Variants in SCAPER observed in about 807,000 individuals in gnomAD.
SCAPER encodes the protein S-phase cyclin A associated protein in the ER.
In SCAPER, 98 loss-of-function variants were observed where a neutral mutation model predicts 182.2. The observed-to-expected ratio is 0.54, with a 90% CI of 0.46 to 0.64. The LOEUF (loss-of-function observed/expected upper bound fraction) is 0.64. Ranked by LOEUF, SCAPER falls within the 30% of genes least tolerant of loss-of-function variation. The pLI is 0.00. For synonymous variants in SCAPER, 605 were observed against 564.6 expected, an observed-to-expected ratio of 1.07 and a Z score of -1.01; for missense variants, 1,432 against 1,690.0, an observed-to-expected ratio of 0.85 and a Z score of 2.68.
intron 5 of SCAPER, among the ~76,000 whole-genome samples, chr15:76,834,175 A>C (rs1269239377): frequency 6.6e-6 from 1 of 152,196 alleles, no homozygotes; most frequent in Non-Finnish European, 1.5e-5. Context: ...TGCAATAAAA[A>C]CAGAAATCTA....
In SCAPER at chr15:76,730,652, C is replaced by T. The variant is rs112096612; in HGVS notation, c.2023-1915G>A. The stretch of plus-strand genomic sequence containing the variant: ...AAATTCCATATTATATCTGAAAACA[C>T]ATGTTTCACAACAAAATACAAAGAG... On this transcript the variant is annotated intron_variant, in intron 16 of 31. Transcript: ENST00000563290. Among the ~76,000 whole-genome samples, 371 of 151,886 alleles carry T rather than the reference C, an allele frequency of 2.4e-3. 1 individual carries two copies. The highest frequency in any genetic ancestry group is 0.015 in the South Asian group (73 of 4,806).
intron 23 of SCAPER, among the ~76,000 whole-genome samples, chr15:76,533,667 A>G (rs1478318884): frequency 6.6e-6 from 1 of 151,964 alleles, no homozygotes; most frequent in African/African-American, 2.4e-5. Flanking sequence ...GCAATGTTAA[A>G]ATTATTACAC....
intron 23 of SCAPER, among the ~76,000 whole-genome samples, chr15:76,538,318 A>C (rs2044380737): frequency 6.7e-6 from 1 of 149,494 alleles, no homozygotes; most frequent in Non-Finnish European, 1.5e-5. Context: ...AACCAACCCA[A>C]ATGTCCAACA....
chr15:76,763,118 C>T (rs560212591), intron 14 of SCAPER, among the ~76,000 whole-genome samples: 1 of 152,300 alleles, frequency 6.6e-6, no homozygotes, highest in South Asian at 2.1e-4. Context: ...ATTTAAAGAA[C>T]TCCATTAGCA....
chr15:76,353,930 C>G lies in SCAPER; in HGVS notation c.4047+19G>C. ...GTTTACACACAAAGCTAGACAATTACGTATAATGTAGAAGGTACCTGAATG... is the reference window on the plus strand; with the variant it reads ...GTTTACACACAAAGCTAGACAATTAGGTATAATGTAGAAGGTACCTGAATG... On this transcript the variant is annotated intron_variant, in intron 30 of 31. Transcript: ENST00000563290. 6.6e-7 allele frequency: 1 copy of G among 1,510,190 alleles called. No homozygotes were observed. Among genetic ancestry groups the G allele is most frequent in the Non-Finnish European group, 8.8e-7 (1 of 1,134,524 alleles). The allele number at this position is 1,510,190 out of a possible 1,614,324, so 93.5% of individuals were successfully genotyped here.
At chr15:76,740,456 G>T (rs2151106214) in intron 15 of SCAPER, among the ~76,000 whole-genome samples, 1 of 152,194 alleles carries the variant, frequency 6.6e-6, no homozygotes, top group Non-Finnish European at 1.5e-5. Flanking sequence ...CATTAAGAAA[G>T]AACAATAATT....
At chr15:76,368,282 A>T (rs116051964) in intron 29 of SCAPER, among the ~76,000 whole-genome samples, 1,626 of 152,332 alleles carry the variant, frequency 0.011, 39 homozygotes, top group African/African-American at 0.037. Flanking sequence ...TTTGAGCAGG[A>T]ATTAAGCCAA....
At chr15:76,562,918 A>G (rs757459070) in intron 23 of SCAPER, among the ~76,000 whole-genome samples, 1 of 152,218 alleles carries the variant, frequency 6.6e-6, no homozygotes, top group Non-Finnish European at 1.5e-5. Context: ...ATAAAACTGT[A>G]TAACATAAAT....
intron 2 of SCAPER, among the ~76,000 whole-genome samples, chr15:76,881,875 C>A (rs1490908781): frequency 6.6e-6 from 1 of 152,100 alleles, no homozygotes; most frequent in East Asian, 1.9e-4. Context: ...TGGTAAATGT[C>A]ATGTTATTTG....
intron 27 of SCAPER, among the ~76,000 whole-genome samples, chr15:76,395,948 TG>T (rs1416873440): frequency 1.3e-5 from 2 of 152,164 alleles, no homozygotes; most frequent in African/African-American, 4.8e-5. Flanking sequence ...GTTTCCCCAA[TG>T]TTTTCTTGTA....
At chr15:76,766,100 T>TATTC (rs2063097863) in intron 11 of SCAPER, among the ~76,000 whole-genome samples, 1 of 151,762 alleles carries the variant, frequency 6.6e-6, no homozygotes, top group Admixed American at 6.6e-5. Context: ...TTTATTTATT[T>TATTC]ATTTATTTAT....
chr15:76,735,475 AT>A (rs1230770290), intron 15 of SCAPER, among the ~76,000 whole-genome samples: 4 of 152,088 alleles, frequency 2.6e-5, no homozygotes, highest in African/African-American at 9.7e-5. Context: ...AGACAGGCAG[AT>A]TGCCTGAGCT....
intron 5 of SCAPER, among the ~76,000 whole-genome samples, chr15:76,823,525 TAAAC>T (rs1277197262): frequency 6.6e-6 from 1 of 150,922 alleles, no homozygotes; most frequent in Non-Finnish European, 1.5e-5. Flanking sequence ...TAAAATTAAA[TAAAC>T]AAACATACAT....
intron 5 of SCAPER, among the ~76,000 whole-genome samples, chr15:76,818,583 C>T (rs1049587705): frequency 1.3e-5 from 2 of 151,368 alleles, no homozygotes; most frequent in African/African-American, 4.9e-5. Flanking sequence ...ACAAAAAACT[C>T]TTAAAACTCA....
chr15:76,357,189 C>CA (rs1555410451), intron 29 of SCAPER, among the ~76,000 whole-genome samples: 119 of 146,492 alleles, frequency 8.1e-4, no homozygotes, highest in South Asian at 1.7e-3. Flanking sequence ...CACACACACA[C>CA]CCCTATGGCC....
At chr15:76,757,832 G>A (rs1356011683) in intron 14 of SCAPER, among the ~76,000 whole-genome samples, 3 of 152,062 alleles carry the variant, frequency 2.0e-5, no homozygotes, top group Non-Finnish European at 2.9e-5. Flanking sequence ...ACTCAAGTTC[G>A]ATTTCCATTT....
At chr15:76,459,989 GATTT>G (rs1281822748) in intron 25 of SCAPER, among the ~76,000 whole-genome samples, 2 of 152,066 alleles carry the variant, frequency 1.3e-5, no homozygotes, top group Non-Finnish European at 2.9e-5. Flanking sequence ...CAAATAAGTG[GATTT>G]ATTTCTGGGT....
intron 8 of SCAPER, among the ~76,000 whole-genome samples, chr15:76,783,945 A>G (rs1336490612): frequency 6.6e-6 from 1 of 152,190 alleles, no homozygotes; most frequent in Non-Finnish European, 1.5e-5. Context: ...ATGGGCAAAA[A>G]CTGGAAGCAT....
rs561645650 is a variant in SCAPER at position 76,424,587 on chromosome 15, T to A, written c.3311+9491A>T. On this transcript the variant is annotated intron_variant, in intron 26 of 31. Coordinates refer to ENST00000563290, the MANE Select transcript of SCAPER (RefSeq NM_020843.4). The stretch of plus-strand genomic sequence containing the variant: ...CTCTTATCCAATTTGCCAGTCTGTG[T>A]CTTTTAATTGGAGCATTTAGCCCGT... Among the ~76,000 whole-genome samples the A allele has an allele frequency of 2.1e-4, 32 of 152,342 alleles. No homozygotes were observed. The South Asian group carries it at 4.8e-3, about 23-fold the overall frequency.
Sources: gnomAD v4.1 joint callset for allele counts (sites outside exome capture counted in the v4.1 genomes callset) on GRCh38, gnomAD v4.1.1 for gene constraint, MANE v1.5 for transcripts, NCBI Gene and HGNC (gene_info 2026-07-23, HGNC 2026-07-21) for gene names.